The following SELENOI variants were observed in gnomAD, a reference collection of about 807,000 sequenced individuals.
SELENOI encodes selenoprotein I, also known as ethanolaminephosphotransferase 1.
In SELENOI, 24 loss-of-function variants were observed where a neutral mutation model predicts 50.7. The ratio of observed to expected loss-of-function variants is 0.47; its 90% CI spans 0.34 to 0.67. The LOEUF (loss-of-function observed/expected upper bound fraction) is 0.67, where lower values mean the gene tolerates loss of function less well. Among genes scored for constraint, SELENOI ranks in the 30% least tolerant of loss-of-function variants. The pLI, the probability that SELENOI is intolerant of heterozygous loss-of-function variation, is 0.01. For missense variants in SELENOI, 352 were observed against 461.4 expected (o/e 0.76, Z 2.17); for synonymous variants, 155 against 170.2 (o/e 0.91, Z 0.70).
In SELENOI at chr2:26,391,251, AG is replaced by A. The variant is rs1373144750; in HGVS notation, c.*2149del. Reference sequence around the variant, plus strand: ...AGTTTTATTGACATTGTTAGATGAAAGAAAAGTAGCTGTCAACAAGGGGAAA... The same window carrying A: ...AGTTTTATTGACATTGTTAGATGAAAAAAAGTAGCTGTCAACAAGGGGAAA... On this transcript the variant is annotated 3_prime_UTR_variant, in exon 10 of 10. Coordinates refer to ENST00000260585, the MANE Select transcript of SELENOI (RefSeq NM_033505.4). 6.6e-6 allele frequency: 1 copy of A among 152,192 alleles called. No homozygotes were observed. The highest frequency in any genetic ancestry group is 2.4e-5 in the African/African-American group (1 of 41,452). The allele number at this position is 152,192 out of a possible 1,614,324, so 9.4% of individuals were successfully genotyped here.
Position 26,389,610 on chromosome 2 carries a change from G to C in SELENOI, c.*507G>C, listed in dbSNP as rs1677919203. 1 of 153,386 alleles carries C rather than the reference G, an allele frequency of 6.5e-6. No individual in the cohort carries two copies. 9.5% of individuals were successfully genotyped at this position (153,386 alleles called of 1,614,324 possible). On this transcript the variant is annotated 3_prime_UTR_variant, in exon 10 of 10. Coordinates refer to ENST00000260585, the MANE Select transcript of SELENOI (RefSeq NM_033505.4). ...AAACAACAGACAGTTGCCAAATACT[G>C]GTTTCTCTTTCCCCTGAAAATGGCT...
Position 26,362,946 on chromosome 2 carries a change from A to AGT in SELENOI, c.58-1342_58-1341dup, listed in dbSNP as rs760487332. On this transcript the variant is annotated intron_variant, in intron 1 of 9. Transcript: ENST00000260585. Reference sequence around the variant, plus strand: ...GTATCTCTTCTTCCCCATACCTAGCAGTGTGTGTGTGTGTGGAGTGAATAA... The same window carrying AGT: ...GTATCTCTTCTTCCCCATACCTAGCAGTGTGTGTGTGTGTGTGGAGTGAATAA... Among the ~76,000 whole-genome samples, 247 of 151,218 alleles carry AGT rather than the reference A, an allele frequency of 1.6e-3. 1 individual carries two copies. Among genetic ancestry groups the AGT allele is most frequent in the African/African-American group, 5.1e-3 (212 of 41,264 alleles).
rs1471464080 is a variant in SELENOI, at chr2:26,392,538, AC to A, written c.*3437del. 6.6e-6 allele frequency: 1 copy of A among 152,142 alleles called. No homozygotes were observed. Among genetic ancestry groups the A allele is most frequent in the African/African-American group, 2.4e-5 (1 of 41,416 alleles). The allele number at this position is 152,142 out of a possible 1,614,324, so 9.4% of individuals were successfully genotyped here. A position where few individuals can be genotyped will look rare whatever the true frequency, so the allele number is the denominator to read the frequency against. ...CTGGGTTTCCTCTTATCTACCCACC[AC>A]CTAGGACAGAGGCTGCCCACTCAGG... On this transcript the variant is annotated 3_prime_UTR_variant, in exon 10 of 10. Transcript: ENST00000260585.
At chr2:26,373,736 T>A (rs548699759) in intron 5 of SELENOI, 107 bp downstream of exon 5, 2 of 1,167,794 alleles carry the variant, frequency 1.7e-6, no homozygotes, top group Non-Finnish European at 2.3e-6. Context: ...AGAATTGATA[T>A]GTACTTAAAA....
chr2:26,351,411 C>G (rs1483560119), intron 1 of SELENOI, among the ~76,000 whole-genome samples: 2 of 152,112 alleles, frequency 1.3e-5, no homozygotes, highest in Non-Finnish European at 2.9e-5. Context: ...GCTGTGCTGC[C>G]CAGAATTTTG....
At chr2:26,349,308 C>CTT (rs11434987) in intron 1 of SELENOI, among the ~76,000 whole-genome samples, 61,442 of 115,068 alleles carry the variant, frequency 0.53, 16,565 homozygotes, top group African/African-American at 0.61. Flanking sequence ...CCACACTTGT[C>CTT]TTTTTTTTTT....
At chr2:26,361,041 C>T (rs1409867907) in intron 1 of SELENOI, among the ~76,000 whole-genome samples, 2 of 152,116 alleles carry the variant, frequency 1.3e-5, no homozygotes, top group Admixed American at 6.6e-5. Flanking sequence ...GGTGAAACTC[C>T]GTCTCTACTA....
chr2:26,385,294 T>C (rs1677815623), intron 8 of SELENOI, among the ~76,000 whole-genome samples, 155 bp downstream of exon 8: 1 of 152,200 alleles, frequency 6.6e-6, no homozygotes, highest in South Asian at 2.1e-4. Flanking sequence ...AAGACTGAAA[T>C]GCTGAAAATT....
chr2:26,370,992 T>C (rs1372516965), intron 4 of SELENOI, among the ~76,000 whole-genome samples: 1 of 117,124 alleles, frequency 8.5e-6, no homozygotes, highest in African/African-American at 3.2e-5. Context: ...CCCCCCCACC[T>C]CCCTCCCGGA....
At chr2:26,347,458 C>T (rs545439713) in intron 1 of SELENOI, among the ~76,000 whole-genome samples, 210 of 152,072 alleles carry the variant, frequency 1.4e-3, no homozygotes, top group Non-Finnish European at 1.9e-3. Context: ...AGCAAGGGTC[C>T]TTAGAAGGTC....
Position 26,393,319 on chromosome 2 carries a change from C to T in SELENOI, c.*4216C>T, listed in dbSNP as rs1027163444. ...TGCAGAATAAATGTAACTTTTTAAG[C>T]CTGCATGCTAGTAATATGCTTTGCT... On this transcript the variant is annotated 3_prime_UTR_variant, in exon 10 of 10. Transcript: ENST00000260585. 1 of 152,570 alleles carries T rather than the reference C, an allele frequency of 6.6e-6. No homozygotes were observed. Among genetic ancestry groups the T allele is most frequent in the Non-Finnish European group, 1.5e-5 (1 of 68,016 alleles). 9.5% of individuals were successfully genotyped at this position (152,570 alleles called of 1,614,324 possible).
chr2:26,368,114 A>G (rs1043300130), intron 4 of SELENOI, among the ~76,000 whole-genome samples: 5 of 152,200 alleles, frequency 3.3e-5, no homozygotes, highest in African/African-American at 1.2e-4. Context: ...GATAAAAGTG[A>G]CTTGTTCTCA....
intron 1 of SELENOI, among the ~76,000 whole-genome samples, chr2:26,356,887 G>A (rs1171111208): frequency 2.6e-5 from 4 of 151,942 alleles, no homozygotes; most frequent in African/African-American, 9.7e-5. Context: ...ACTTCTGTTG[G>A]TGGTCTTTGT....
intron 6 of SELENOI, among the ~76,000 whole-genome samples, chr2:26,382,295 G>C (rs74780396): frequency 0.026 from 3,942 of 152,282 alleles, 137 homozygotes; most frequent in African/African-American, 0.082. Context: ...AGTAGAATTG[G>C]CAACAAAGGA....
At chr2:26,368,464 C>T (rs1677337285) in intron 4 of SELENOI, among the ~76,000 whole-genome samples, 1 of 152,088 alleles carries the variant, frequency 6.6e-6, no homozygotes, top group South Asian at 2.1e-4. Context: ...TGGCAAAAAC[C>T]CTGGTCTGAC....
Position 26,373,439 on chromosome 2 carries a change from T to C in SELENOI, c.383T>C (p.Leu128Pro), listed in dbSNP as rs1250743342. ...TPLGELFDHG[L>P]DSWSCVYFVV... ...TTAGGGGAGCTTTTTGATCATGGCC[T>C]GGATAGTTGGTCATGTGTTTACTTT... The change falls in exon 5 of 10, where the codon CTG becomes CCG. Residue 128 changes from leucine (L) to proline (P), a missense_variant. Physicochemically the swap from Leu to Pro is moderately conservative, Grantham distance 98. Coordinates refer to ENST00000260585, the MANE Select transcript of SELENOI (RefSeq NM_033505.4). The C allele has an allele frequency of 1.9e-6, 3 of 1,613,588 alleles. No homozygotes were observed. The African/African-American group carries it at 4.0e-5, about 22-fold the overall frequency.
intron 1 of SELENOI, among the ~76,000 whole-genome samples, chr2:26,350,007 G>A (rs1017789466): frequency 1.2e-4 from 18 of 149,298 alleles, no homozygotes; most frequent in African/African-American, 3.4e-4. Flanking sequence ...TACTTGGGAG[G>A]CTGAAGTGGG....
chr2:26,385,181 T>C, intron 8 of SELENOI, 42 bp downstream of exon 8: 1 of 1,141,114 alleles, frequency 8.8e-7, no homozygotes, highest in Non-Finnish European at 1.2e-6. Context: ...TATATTAGGA[T>C]TGTATGACAG....
At chr2:26,371,811 G>T (rs1359489071) in intron 4 of SELENOI, among the ~76,000 whole-genome samples, 1 of 152,216 alleles carries the variant, frequency 6.6e-6, no homozygotes, top group Non-Finnish European at 1.5e-5. Flanking sequence ...GATGGCAGCA[G>T]TATAGTCCAG....
Sources: allele counts gnomAD v4.1 joint callset (sites outside exome capture counted in the v4.1 genomes callset), GRCh38; gene constraint gnomAD v4.1.1; transcripts MANE v1.5; gene names NCBI Gene and HGNC (gene_info 2026-07-23, HGNC 2026-07-21).